DZIP3: variants seen among roughly 807,000 people sequenced by gnomAD.
The protein encoded by DZIP3 is DAZ interacting zinc finger protein 3, also known as E3 ubiquitin-protein ligase DZIP3.
Under a neutral mutation model 162.0 loss-of-function variants are expected in DZIP3, and 118 were observed. That is an observed-to-expected ratio of 0.73 (90% CI 0.63 to 0.85). The LOEUF (loss-of-function observed/expected upper bound fraction) is 0.85. Ranked by LOEUF, DZIP3 falls within the 40% of genes least tolerant of loss-of-function variation. DZIP3 has a pLI of 0.00. For synonymous variants in DZIP3, 438 were observed against 458.6 expected (o/e 0.96, Z 0.57); for missense variants, 1,331 against 1,407.0 (o/e 0.95, Z 0.86).
At chr3:108,593,918 G>C (rs1300248212) in intron 1 of DZIP3, among the ~76,000 whole-genome samples, 2 of 151,998 alleles carry the variant, frequency 1.3e-5, no homozygotes. Context: ...GCTCGCCTCA[G>C]CTTCCTAAAG....
intron 5 of DZIP3, among the ~76,000 whole-genome samples, chr3:108,623,106 G>C (rs950695652): frequency 6.6e-6 from 1 of 152,012 alleles, no homozygotes. Context: ...AGAAGTGCCA[G>C]ACAGGACTTG....
At chr3:108,628,098 C>T (rs992586354) in intron 7 of DZIP3, among the ~76,000 whole-genome samples, 3 of 152,024 alleles carry the variant, frequency 2.0e-5, no homozygotes, top group African/African-American at 7.2e-5. Context: ...AGGATGGTCC[C>T]GATCTCCTGA....
At chr3:108,639,476 C>G (rs1942294005) in intron 12 of DZIP3, among the ~76,000 whole-genome samples, 1 of 152,172 alleles carries the variant, frequency 6.6e-6, no homozygotes, top group Non-Finnish European at 1.5e-5. Context: ...GTCTGTTCTA[C>G]ATATGTGGTT....
chr3:108,642,397 T>G (rs778584961), intron 12 of DZIP3, 41 bp from the exon 13 acceptor site: 1 of 1,446,098 alleles, frequency 6.9e-7, no homozygotes, highest in Non-Finnish European at 9.3e-7. Context: ...ACTTTGGTAT[T>G]ATTTTATTTC....
chr3:108,635,089 CT>C (rs959930141), intron 10 of DZIP3, 117 bp downstream of exon 10: 103 of 567,384 alleles, frequency 1.8e-4, no homozygotes, highest in Middle Eastern at 1.4e-3. Flanking sequence ...TTACTTCCTC[CT>C]TTTTTTCTTT....
chr3:108,615,659 C>T (rs1055062013), intron 4 of DZIP3, among the ~76,000 whole-genome samples: 19 of 152,114 alleles, frequency 1.2e-4, no homozygotes, highest in African/African-American at 4.3e-4. Context: ...TAAACCAAGC[C>T]GTTGTGGGTA....
chr3:108,623,579 A>G (rs1941465553), intron 5 of DZIP3, among the ~76,000 whole-genome samples: 1 of 152,150 alleles, frequency 6.6e-6, no homozygotes, highest in Non-Finnish European at 1.5e-5. Flanking sequence ...TGTCTCTCCC[A>G]GACGTGTGAG....
intron 22 of DZIP3, 30 bp from the exon 23 acceptor site, chr3:108,672,530 T>C (rs1943959433): frequency 1.3e-6 from 2 of 1,557,350 alleles, no homozygotes; most frequent in Non-Finnish European, 1.8e-6. Context: ...TGATGTAATA[T>C]TGCGAGTCTT....
chr3:108,658,732 A>G (rs1247934577), intron 19 of DZIP3, among the ~76,000 whole-genome samples: 6 of 152,216 alleles, frequency 3.9e-5, no homozygotes, highest in African/African-American at 1.4e-4. Flanking sequence ...AACAAAATTG[A>G]TAGACCGCTA....
rs909314277 is a variant in DZIP3, at chr3:108,629,254, A to G, written c.696+78A>G. ...ACTATATCATATTCTTACAGCAAGC[A>G]TGTTCTTTTATTGGCACATAACTTT... On this transcript the variant is annotated intron_variant, in intron 8 of 32. Transcript: ENST00000361582. The G allele has an allele frequency of 1.0e-4, 97 of 936,998 alleles. No homozygotes were observed. The South Asian group carries it at 1.7e-3, about 16-fold the overall frequency. The allele number at this position is 936,998 out of a possible 1,614,324, so 58.0% of individuals were successfully genotyped here.
chr3:108,632,734 A>T (rs1191681447), intron 8 of DZIP3, among the ~76,000 whole-genome samples: 2 of 152,338 alleles, frequency 1.3e-5, no homozygotes, highest in East Asian at 1.9e-4. Context: ...TATATCATTC[A>T]TTAAGAAATC....
intron 14 of DZIP3, among the ~76,000 whole-genome samples, chr3:108,645,994 A>G (rs758685726): frequency 3.9e-5 from 6 of 152,226 alleles, no homozygotes; most frequent in Non-Finnish European, 8.8e-5. Flanking sequence ...ACTCAAGTAC[A>G]CTGAAGAGCT....
intron 5 of DZIP3, among the ~76,000 whole-genome samples, chr3:108,617,741 A>G (rs1224207092): frequency 6.6e-6 from 1 of 152,202 alleles, no homozygotes; most frequent in Admixed American, 6.5e-5. Flanking sequence ...GGAAACAAAG[A>G]AAATGGGGGA....
chr3:108,651,266 GAGA>G (rs957193492), intron 18 of DZIP3, 104 bp downstream of exon 18: 3 of 356,212 alleles, frequency 8.4e-6, no homozygotes, highest in South Asian at 1.7e-4. Context: ...TTCTCACTAA[GAGA>G]AGAAGGATAG....
chr3:108,680,498 G>A (rs918541316), intron 26 of DZIP3, among the ~76,000 whole-genome samples: 2 of 151,928 alleles, frequency 1.3e-5, no homozygotes, highest in African/African-American at 2.4e-5. Flanking sequence ...TACTAATAGT[G>A]AACAGTCTGA....
chr3:108,664,626 A>G (rs1207853325), intron 21 of DZIP3, among the ~76,000 whole-genome samples: 1 of 152,202 alleles, frequency 6.6e-6, no homozygotes, highest in Non-Finnish European at 1.5e-5. Flanking sequence ...GTCTTCACCC[A>G]TGGGGCTAGT....
chr3:108,669,616 T>C, intron 21 of DZIP3, 65 bp from the exon 22 acceptor site: 10 of 1,444,894 alleles, frequency 6.9e-6, no homozygotes, highest in Non-Finnish European at 7.7e-6. Context: ...TAGTTAGAGC[T>C]CTTCTGACTG....
In DZIP3 at chr3:108,631,045, A is replaced by T. The variant is rs74402693; in HGVS notation, c.696+1869A>T. Among the ~76,000 whole-genome samples, 306 of 81,686 alleles carry T rather than the reference A, an allele frequency of 3.7e-3. 1 individual carries two copies. Among genetic ancestry groups the T allele is most frequent in the African/African-American group, 0.01 (186 of 17,824 alleles). The allele number at this position is 81,686 out of a possible 152,430, so 53.6% of individuals were successfully genotyped here. ...CACACACACACACACACACACACAC[A>T]CACACACACACTCTCTCTCTCTCTC... On this transcript the variant is annotated intron_variant, in intron 8 of 32. Transcript: ENST00000361582.
intron 29 of DZIP3, 49 bp from the exon 30 acceptor site, chr3:108,688,544 C>A (rs748950073): frequency 6.3e-7 from 1 of 1,575,394 alleles, no homozygotes; most frequent in South Asian, 1.2e-5. Flanking sequence ...TCAGCTCTTA[C>A]TGTTTTAGGA....
Sources: allele counts gnomAD v4.1 joint callset (sites outside exome capture counted in the v4.1 genomes callset), GRCh38; gene constraint gnomAD v4.1.1; transcripts MANE v1.5; gene names NCBI Gene and HGNC (gene_info 2026-07-23, HGNC 2026-07-21).